The following OR8B3 variants were observed in gnomAD, a reference collection of about 807,000 sequenced individuals.
OR8B3 encodes the protein olfactory receptor family 8 subfamily B member 3.
For synonymous variants in OR8B3, 102 were observed against 135.4 expected, an observed-to-expected ratio of 0.75 and a Z score of 1.71; for missense variants, 278 against 377.6, an observed-to-expected ratio of 0.74 and a Z score of 2.19.
At chr11:124,404,082 C>T in the OR8B3 span, among the ~76,000 whole-genome samples, 8 of 152,248 alleles carry the variant, frequency 5.3e-5, no homozygotes, top group African/African-American at 1.4e-4. Context: ...AGCTTCGGCT[C>T]GGCATCAGAG....
the OR8B3 span, among the ~76,000 whole-genome samples, chr11:124,406,793 C>CCACACACACACA: frequency 2.1e-5 from 3 of 145,214 alleles, no homozygotes; most frequent in East Asian, 4.0e-4. Flanking sequence ...CTCCTTCTCA[C>CCACACACACACA]CACACACACA....
chr11:124,406,218 C>T, the OR8B3 span, among the ~76,000 whole-genome samples: 1 of 152,148 alleles, frequency 6.6e-6, no homozygotes, highest in African/African-American at 2.4e-5. Flanking sequence ...ACTATTTCTG[C>T]ACTTCCTGTG....
At position 124,396,783 on chromosome 11, in the gene OR8B3, G is replaced by T. The variant is rs148924107; in HGVS notation, c.569C>A (p.Thr190Asn). 3 of 1,613,202 alleles carry T rather than the reference G, an allele frequency of 1.9e-6. No homozygotes were observed. The Admixed American group carries it at 5.0e-5, about 27-fold the overall frequency. ...DILPLLQLSCTSTYVNEVVVL... is the reference protein window; with the variant it reads ...DILPLLQLSCNSTYVNEVVVL... The stretch of plus-strand genomic sequence containing the variant: ...AACCACCTCGTTGACATAGGTGCTG[G>T]TGCAGGAAAGCTGGAGGAGGGGGAG... Residue 190 changes from threonine (T) to asparagine (N), a missense_variant, in exon 2 of 2, where the codon ACC becomes AAC. Physicochemically the swap from Thr to Asn is moderately conservative, Grantham distance 65. Coordinates refer to ENST00000641139, the MANE Select transcript of OR8B3 (RefSeq NM_001005467.2).
upstream of OR8B3, among the ~76,000 whole-genome samples, chr11:124,403,691 C>T (rs1456306965): frequency 6.6e-6 from 1 of 152,176 alleles, no homozygotes; most frequent in Non-Finnish European, 1.5e-5. Context: ...CAGAGACGCT[C>T]TTCACTTCCC....
upstream of OR8B3, among the ~76,000 whole-genome samples, chr11:124,401,547 C>T (rs1442568563): frequency 2.0e-5 from 3 of 151,964 alleles, no homozygotes; most frequent in African/African-American, 7.2e-5. Context: ...AGTTTTTTTC[C>T]TTTCATTGGC....
chr11:124,401,293 TA>T (rs1448491044), upstream of OR8B3, among the ~76,000 whole-genome samples: 3 of 150,870 alleles, frequency 2.0e-5, no homozygotes, highest in Admixed American at 2.0e-4. Context: ...ACTCTTGCTA[TA>T]AAGGCATTAA....
In OR8B3 at chr11:124,396,065, T is replaced by A. The variant is rs3867245; in HGVS notation, c.*345A>T. The A allele has an allele frequency of 0.48, 86,929 of 182,240 alleles. 22,044 individuals carry two copies. The highest frequency in any genetic ancestry group is 0.59 in the East Asian group (4,148 of 6,974). The allele number at this position is 182,240 out of a possible 1,614,324, so 11.3% of individuals were successfully genotyped here. ...TCTATCATATTTGGCACTTCTGAGTTTAGGTGAGAAAGCCGTGACTTTGAC... is the reference window on the plus strand; with the variant it reads ...TCTATCATATTTGGCACTTCTGAGTATAGGTGAGAAAGCCGTGACTTTGAC... On this transcript the variant is annotated 3_prime_UTR_variant, in exon 2 of 2. Transcript: ENST00000641139.
upstream of OR8B3, among the ~76,000 whole-genome samples, chr11:124,401,281 C>G (rs1366149684): frequency 7.1e-6 from 1 of 141,708 alleles, no homozygotes; most frequent in Non-Finnish European, 1.5e-5. Flanking sequence ...TGTAAGAAAC[C>G]CACTCTTGCT....
chr11:124,399,386 C>A (rs1438876263), upstream of OR8B3, among the ~76,000 whole-genome samples: 4 of 152,094 alleles, frequency 2.6e-5, no homozygotes, highest in Non-Finnish European at 5.9e-5. Context: ...TAATTGATTT[C>A]AGATTTTTTA....
At position 124,396,279 on chromosome 11, in the gene OR8B3, T is replaced by C. The variant is rs1860865722; in HGVS notation, c.*131A>G. The C allele has an allele frequency of 1.2e-6, 1 of 859,674 alleles. No individual in the cohort carries two copies. The highest frequency in any genetic ancestry group is 1.7e-6 in the Non-Finnish European group (1 of 579,030). The allele number at this position is 859,674 out of a possible 1,614,324, so 53.3% of individuals were successfully genotyped here. On this transcript the variant is annotated 3_prime_UTR_variant, in exon 2 of 2. Coordinates refer to ENST00000641139, the MANE Select transcript of OR8B3 (RefSeq NM_001005467.2). ...CAAAAAAAGAGACAAGATGATTTCA[T>C]AAGAGAAATGATAAGACAAGTTTAT... is the stretch of plus-strand genomic sequence containing the variant.
At position 124,396,808 on chromosome 11, in the gene OR8B3, G is replaced by A. The variant is rs1434071299; in HGVS notation, c.544C>T (p.Leu182Phe). The change falls in exon 2 of 2, where the codon CTC becomes TTC. Residue 182 changes from leucine to phenylalanine, a missense_variant. Coordinates refer to ENST00000641139, the MANE Select transcript of OR8B3 (RefSeq NM_001005467.2). ...GTGCAGGAAAGCTGGAGGAGGGGGA[G>A]TATGTCACACAAGTAATGGTTGATG... ...NIINHYLCDI[L>F]PLLQLSCTST... The A allele has an allele frequency of 1.9e-6, 3 of 1,590,548 alleles. No individual in the cohort carries two copies. The highest frequency in any genetic ancestry group is 2.7e-5 in the African/African-American group (2 of 74,704).
At chr11:124,397,647 G>A (rs1444042763) in intron 1 of OR8B3, among the ~76,000 whole-genome samples, 11 of 151,668 alleles carry the variant, frequency 7.3e-5, no homozygotes, top group African/African-American at 2.4e-4. Context: ...CTTGGGTTAT[G>A]TGGATGTGTC....
the OR8B3 span, among the ~76,000 whole-genome samples, chr11:124,407,001 G>A: frequency 2.0e-5 from 3 of 151,550 alleles, no homozygotes; most frequent in South Asian, 6.3e-4. Flanking sequence ...AATGTTTTTG[G>A]GGGCTCTCAT....
the OR8B3 span, among the ~76,000 whole-genome samples, chr11:124,406,474 T>C: frequency 6.6e-6 from 1 of 152,190 alleles, no homozygotes; most frequent in African/African-American, 2.4e-5. Flanking sequence ...TGTATTTATG[T>C]GCCCCAAGTT....
chr11:124,401,222 CAG>C (rs3071311), upstream of OR8B3, among the ~76,000 whole-genome samples: 32 of 142,468 alleles, frequency 2.2e-4, no homozygotes, highest in South Asian at 4.6e-4. Context: ...TGCAAAGAGA[CAG>C]AGAGAGAGAG....
At chr11:124,399,872 G>T (rs73612867), upstream of OR8B3, among the ~76,000 whole-genome samples, 1,529 of 144,108 alleles carry the variant, frequency 0.011, 36 homozygotes, top group African/African-American at 0.037. Context: ...CCTAAGTCAG[G>T]ATACAGAATT....
the OR8B3 span, among the ~76,000 whole-genome samples, chr11:124,406,544 G>A: frequency 3.3e-5 from 5 of 152,020 alleles, no homozygotes; most frequent in Non-Finnish European, 4.4e-5. Flanking sequence ...CTCCTTCTCC[G>A]TTCATTATTG....
intron 1 of OR8B3, among the ~76,000 whole-genome samples, 180 bp downstream of exon 1, chr11:124,398,510 A>G (rs554458054): frequency 2.0e-5 from 3 of 152,210 alleles, no homozygotes; most frequent in African/African-American, 4.8e-5. Flanking sequence ...GTCACTTGGA[A>G]CTGCTATTGC....
At position 124,397,053 on chromosome 11, in the gene OR8B3, T is replaced by G. The variant is rs530631592; in HGVS notation, c.299A>C (p.Gln100Pro). 3.0e-5 allele frequency: 48 copies of G among 1,613,748 alleles called. No individual in the cohort carries two copies. Among genetic ancestry groups the G allele is most frequent in the Non-Finnish European group, 3.5e-5 (41 of 1,179,860 alleles). The stretch of plus-strand genomic sequence containing the variant: ...GACAAAAAAGAGAAAGAAAAACAGC[T>G]GAGTCATGCACCCAACATAGGAGAT... ...NIISYVGCMTQLFFFLFFVIS... is the reference protein window; with the variant it reads ...NIISYVGCMTPLFFFLFFVIS... The change falls in exon 2 of 2, where the codon CAG becomes CCG. Residue 100 changes from glutamine (Q) to proline (P), a missense_variant. Coordinates refer to ENST00000641139, the MANE Select transcript of OR8B3 (RefSeq NM_001005467.2).
Sources: gnomAD v4.1 joint callset for allele counts (sites outside exome capture counted in the v4.1 genomes callset) on GRCh38, gnomAD v4.1.1 for gene constraint, MANE v1.5 for transcripts, NCBI Gene and HGNC (gene_info 2026-07-23, HGNC 2026-07-21) for gene names.